Variants in CSMD3 observed in about 807,000 individuals in gnomAD.
CSMD3 encodes the protein CUB and sushi domain-containing protein 3.
Under a neutral mutation model 435.2 loss-of-function variants are expected in CSMD3, and 177 were observed. The ratio of observed to expected loss-of-function variants is 0.41; its 90% CI spans 0.36 to 0.46. The LOEUF (loss-of-function observed/expected upper bound fraction) is 0.46. CSMD3 is among the 20% of genes least tolerant of loss of function. CSMD3 has a pLI of 0.34. For missense variants in CSMD3, 4,265 were observed against 4,504.6 expected (o/e 0.95, Z 1.52); for synonymous variants, 1,656 against 1,520.5 (o/e 1.09, Z -2.07).
intron 13 of CSMD3, among the ~76,000 whole-genome samples, chr8:112,787,201 C>T (rs1266920176): frequency 6.6e-6 from 1 of 152,098 alleles, no homozygotes; most frequent in Admixed American, 6.6e-5. Flanking sequence ...CATATGTGTG[C>T]ATGTGTCTTT....
intron 27 of CSMD3, among the ~76,000 whole-genome samples, chr8:112,522,338 T>A (rs1273011327): frequency 6.6e-6 from 1 of 151,914 alleles, no homozygotes; most frequent in Non-Finnish European, 1.5e-5. Context: ...TTGAATTCAT[T>A]GTAAAAGAAT....
intron 31 of CSMD3, among the ~76,000 whole-genome samples, chr8:112,473,116 G>T (rs2130757812): frequency 6.6e-6 from 1 of 152,132 alleles, no homozygotes; most frequent in East Asian, 1.9e-4. Context: ...TGTGAGACAT[G>T]GATGGCTGTA....
At chr8:113,207,904 C>A (rs1390251871) in intron 3 of CSMD3, among the ~76,000 whole-genome samples, 1 of 152,138 alleles carries the variant, frequency 6.6e-6, no homozygotes, top group Non-Finnish European at 1.5e-5. Flanking sequence ...TACCTCACAA[C>A]GTGACATCAT....
intron 30 of CSMD3, among the ~76,000 whole-genome samples, chr8:112,499,315 A>G (rs1333673609): frequency 1.3e-5 from 2 of 152,194 alleles, no homozygotes; most frequent in East Asian, 1.9e-4. Context: ...CATAATATAT[A>G]AACAAAGTGG....
chr8:113,113,568 AG>A (rs2090730733), intron 4 of CSMD3, among the ~76,000 whole-genome samples: 1 of 152,212 alleles, frequency 6.6e-6, no homozygotes, highest in South Asian at 2.1e-4. Context: ...CTTTAGCTTC[AG>A]GGCACCATCT....
At chr8:113,041,714 A>T (rs1296338759) in intron 5 of CSMD3, among the ~76,000 whole-genome samples, 2 of 151,794 alleles carry the variant, frequency 1.3e-5, no homozygotes, top group African/African-American at 2.4e-5. Context: ...AAAAATTGTT[A>T]TGTCTGTATT....
chr8:113,339,082 GC>G (rs1176700859), intron 1 of CSMD3, among the ~76,000 whole-genome samples: 1 of 151,788 alleles, frequency 6.6e-6, no homozygotes, highest in Non-Finnish European at 1.5e-5. Context: ...ATCATATTAT[GC>G]CTCAGATTCT....
intron 66 of CSMD3, among the ~76,000 whole-genome samples, chr8:112,241,082 T>G (rs533047508): frequency 1.3e-5 from 2 of 152,104 alleles, no homozygotes; most frequent in Non-Finnish European, 2.9e-5. Context: ...GAGCCCTTAC[T>G]ATGGGCTACG....
intron 31 of CSMD3, among the ~76,000 whole-genome samples, chr8:112,489,417 C>G (rs533283262): frequency 6.6e-6 from 1 of 152,028 alleles, no homozygotes; most frequent in African/African-American, 2.4e-5. Context: ...AGAGTGAGAC[C>G]CTGTCTGAAA....
At chr8:112,747,183 CTTTTTTTTTTTTTT>C (rs71309787) in intron 13 of CSMD3, among the ~76,000 whole-genome samples, 14 of 26,950 alleles carry the variant, frequency 5.2e-4, no homozygotes, top group African/African-American at 2.3e-3. Flanking sequence ...GCACACTTCC[CTTTTTTTTTTTTTT>C]TTTTTTTTTT....
intron 17 of CSMD3, among the ~76,000 whole-genome samples, chr8:112,659,689 C>G (rs1254293034): frequency 6.6e-6 from 1 of 152,060 alleles, no homozygotes; most frequent in African/African-American, 2.4e-5. Flanking sequence ...TAAACAAAAA[C>G]AAAAATTCCT....
intron 3 of CSMD3, among the ~76,000 whole-genome samples, chr8:113,242,238 T>C (rs1276583328): frequency 6.6e-6 from 1 of 151,962 alleles, no homozygotes; most frequent in African/African-American, 2.4e-5. Flanking sequence ...TAGGCACATA[T>C]ACCTACTCAT....
intron 38 of CSMD3, among the ~76,000 whole-genome samples, chr8:112,379,352 C>T (rs1829255147): frequency 6.6e-6 from 1 of 151,986 alleles, no homozygotes; most frequent in African/African-American, 2.4e-5. Context: ...ACAAGTAATC[C>T]CAGCTACTTG....
chr8:112,493,558 C>T (rs1181826530), intron 30 of CSMD3, among the ~76,000 whole-genome samples: 1 of 152,062 alleles, frequency 6.6e-6, no homozygotes, highest in Non-Finnish European at 1.5e-5. Context: ...TAGCAAAATC[C>T]AAACCACAGT....
At chr8:112,683,113 A>G (rs930014328) in intron 15 of CSMD3, among the ~76,000 whole-genome samples, 2 of 152,018 alleles carry the variant, frequency 1.3e-5, no homozygotes, top group Non-Finnish European at 2.9e-5. Context: ...TCAATCTAGT[A>G]TGAAACTGTT....
intron 1 of CSMD3, among the ~76,000 whole-genome samples, chr8:113,350,458 T>C (rs2094182758): frequency 6.6e-6 from 1 of 152,090 alleles, no homozygotes; most frequent in South Asian, 2.1e-4. Context: ...AGCAAACAAG[T>C]ACTATACAAA....
intron 22 of CSMD3, among the ~76,000 whole-genome samples, chr8:112,595,759 C>T (rs1429114177): frequency 1.0e-5 from 1 of 96,826 alleles, no homozygotes; most frequent in Non-Finnish European, 2.0e-5. Context: ...CATATCCAGC[C>T]AAACTAAGCT....
chr8:112,263,929 A>G (rs1816687263), intron 60 of CSMD3, 117 bp from the exon 61 acceptor site: 1 of 875,854 alleles, frequency 1.1e-6, no homozygotes, highest in African/African-American at 1.7e-5. Flanking sequence ...CGAGGACAAT[A>G]TGTTGTGACA....
intron 5 of CSMD3, among the ~76,000 whole-genome samples, chr8:113,084,811 T>C (rs148213133): frequency 1.7e-3 from 253 of 152,040 alleles, no homozygotes; most frequent in African/African-American, 6.0e-3. Flanking sequence ...TAGATACACA[T>C]ATTTACAGCC....
Sources: gnomAD v4.1 joint callset for allele counts (sites outside exome capture counted in the v4.1 genomes callset) on GRCh38, gnomAD v4.1.1 for gene constraint, MANE v1.5 for transcripts, NCBI Gene and HGNC (gene_info 2026-07-23, HGNC 2026-07-21) for gene names.